Variants in PKHD1L1 observed in about 807,000 individuals in gnomAD.
PKHD1L1 encodes the protein fibrocystin-L.
In PKHD1L1, 434 loss-of-function variants were observed where a neutral mutation model predicts 462.9. That is an observed-to-expected ratio of 0.94 (90% CI 0.87 to 1.02). The LOEUF (loss-of-function observed/expected upper bound fraction) is 1.02, where lower values mean the gene tolerates loss of function less well. Among genes scored for constraint, PKHD1L1 ranks in the 50% least tolerant of loss-of-function variants. The pLI is 0.00. For synonymous variants in PKHD1L1, 1,781 were observed against 1,750.0 expected, an observed-to-expected ratio of 1.02 and a Z score of -0.44; for missense variants, 5,202 against 5,096.1, an observed-to-expected ratio of 1.02 and a Z score of -0.63.
chr8:109,446,806 C>A (rs974920023), intron 38 of PKHD1L1, among the ~76,000 whole-genome samples: 4 of 152,020 alleles, frequency 2.6e-5, no homozygotes, highest in Non-Finnish European at 5.9e-5. Flanking sequence ...GAGAACTGAG[C>A]TGTTTTATTT....
chr8:109,405,030 A>G lies in PKHD1L1; in HGVS notation c.1569A>G (p.Ala523=), dbSNP rs1015266050. ...TGGAAAACTGGGAAACAACTAATGC[A>G]ATTAATGAGGTTCAGAAGATCAAGG... ...ITLENWETTN[A]INEVQKIKVT... is the part of the protein sequence containing the mutation. The change falls in exon 16 of 78, where the codon GCA becomes GCG. Residue 523 remains alanine, a synonymous_variant. Transcript: ENST00000378402. 6.5e-7 allele frequency: 1 copy of G among 1,528,636 alleles called. No homozygotes were observed. Among genetic ancestry groups the G allele is most frequent in the Admixed American group, 2.0e-5 (1 of 49,452 alleles). The allele number at this position is 1,528,636 out of a possible 1,614,324, so 94.7% of individuals were successfully genotyped here.
In PKHD1L1 at chr8:109,362,606, T is replaced by G. The variant is rs1563702501; in HGVS notation, c.26T>G (p.Ile9Ser). 6.2e-7 allele frequency: 1 copy of G among 1,609,954 alleles called. No homozygotes were observed. Among genetic ancestry groups the G allele is most frequent in the East Asian group, 2.2e-5 (1 of 44,758 alleles). ...ATGGGACACCTGTGGCTCCTGGGTA[T>G]TTGGGGCCTCTGTGGGCTGCTCCTG... MGHLWLLGIWGLCGLLLCA... is the reference protein window; with the variant it reads MGHLWLLGSWGLCGLLLCA... The change falls in exon 1 of 78, where the codon ATT (isoleucine) becomes AGT (serine). Residue 9 changes from isoleucine to serine, a missense_variant. Physicochemically the swap from Ile to Ser is moderately radical, Grantham distance 142 (BLOSUM62 -2). Transcript: ENST00000378402.
chr8:109,443,777 T>C lies in PKHD1L1; in HGVS notation c.4666T>C (p.Leu1556=), dbSNP rs1248273141. The C allele has an allele frequency of 6.2e-7, 1 of 1,613,736 alleles. No individual in the cohort carries two copies. Among genetic ancestry groups the C allele is most frequent in the African/African-American group, 1.3e-5 (1 of 74,918 alleles). ...TACCAGGGTTAAAAATTCAAAAAGA[T>C]TGCTATTTGAGGTTTCAAGTTGTTT... ...NNTRVKNSKR[L]LFEVSSCFSP... Residue 1556 remains leucine, a synonymous_variant, in exon 37 of 78, where the codon TTG becomes CTG. Transcript: ENST00000378402.
chr8:109,483,135 GAA>G, intron 57 of PKHD1L1, 30 bp downstream of exon 57: 1 of 1,487,862 alleles, frequency 6.7e-7, no homozygotes. Flanking sequence ...AATGGAAAAT[GAA>G]TATACACAGT....
At chr8:109,380,607 G>A (rs1036053435) in intron 2 of PKHD1L1, among the ~76,000 whole-genome samples, 6 of 152,142 alleles carry the variant, frequency 3.9e-5, no homozygotes, top group African/African-American at 1.2e-4. Flanking sequence ...CTCAACCAAT[G>A]GGGACCAGAT....
At chr8:109,373,255 T>G (rs915766922) in intron 2 of PKHD1L1, among the ~76,000 whole-genome samples, 2 of 152,200 alleles carry the variant, frequency 1.3e-5, no homozygotes, top group Non-Finnish European at 2.9e-5. Flanking sequence ...GTCGAGGAAT[T>G]TATCCATTTC....
intron 45 of PKHD1L1, 63 bp from the exon 46 acceptor site, chr8:109,456,199 T>A (rs1254562838): frequency 6.6e-7 from 1 of 1,504,224 alleles, no homozygotes; most frequent in African/African-American, 1.4e-5. Context: ...TTAAAATGTA[T>A]AAAGTTCTCA....
At position 109,510,927 on chromosome 8, in the gene PKHD1L1, A is replaced by C; in HGVS notation, c.11546A>C (p.His3849Pro). ...CGACTGATGTTGCTTAATGTTGATC[A>C]TAACAAGGTAGGGCAAGATGTCTTA... ...NLRLMLLNVD[H>P]NKAVLVGIFF... Residue 3849 changes from histidine (H) to proline (P), a missense_variant, in exon 71 of 78, where the codon CAT (histidine) becomes CCT (proline). Coordinates refer to ENST00000378402, the MANE Select transcript of PKHD1L1 (RefSeq NM_177531.6). 17 of 1,612,528 alleles carry C rather than the reference A, an allele frequency of 1.1e-5. No individual in the cohort carries two copies. Among genetic ancestry groups the C allele is most frequent in the Non-Finnish European group, 1.4e-5 (17 of 1,179,116 alleles).
intron 5 of PKHD1L1, among the ~76,000 whole-genome samples, chr8:109,384,440 G>A (rs1184393872): frequency 6.6e-6 from 1 of 151,996 alleles, no homozygotes; most frequent in African/African-American, 2.4e-5. Flanking sequence ...CTACTCCGGA[G>A]GCTGAGGCGA....
At chr8:109,413,336 T>G (rs1813958400) in intron 20 of PKHD1L1, 85 bp from the exon 21 acceptor site, 1 of 959,182 alleles carries the variant, frequency 1.0e-6, no homozygotes, top group Admixed American at 3.8e-5. Context: ...CAATAAATAT[T>G]TATTGACTTT....
At chr8:109,512,675 G>A (rs1318171612) in intron 71 of PKHD1L1, among the ~76,000 whole-genome samples, 1 of 152,084 alleles carries the variant, frequency 6.6e-6, no homozygotes, top group Non-Finnish European at 1.5e-5. Context: ...ACTTGGCGTT[G>A]CGGGCTCTTT....
At chr8:109,429,841 A>G (rs1177030525) in intron 26 of PKHD1L1, 91 bp from the exon 27 acceptor site, 1 of 865,330 alleles carries the variant, frequency 1.2e-6, no homozygotes, top group Non-Finnish European at 1.9e-6. Flanking sequence ...TAGCAAACCA[A>G]CAAAATTCCA....
chr8:109,396,418 G>T (rs144920240), intron 11 of PKHD1L1, among the ~76,000 whole-genome samples: 1 of 152,118 alleles, frequency 6.6e-6, no homozygotes, highest in Admixed American at 6.5e-5. Flanking sequence ...TGAATTCCTC[G>T]CCACAGTTTA....
chr8:109,401,774 A>T lies in PKHD1L1; in HGVS notation c.1373+186A>T, dbSNP rs538244762. Among the ~76,000 whole-genome samples, 67 of 152,276 alleles carry T rather than the reference A, an allele frequency of 4.4e-4. No homozygotes were observed. In the South Asian group the frequency reaches 0.013, roughly 31 times the overall value. On this transcript the variant is annotated intron_variant, in intron 14 of 77. Coordinates refer to ENST00000378402, the MANE Select transcript of PKHD1L1 (RefSeq NM_177531.6). ...TTGATTTTCAAGAATACTGGCATTC[A>T]ACTAACCAGGGAAATTTGAAGTCTA...
intron 71 of PKHD1L1, 69 bp downstream of exon 71, chr8:109,511,003 G>T (rs1231245316): frequency 8.6e-6 from 13 of 1,509,170 alleles, no homozygotes; most frequent in Non-Finnish European, 1.1e-5. Flanking sequence ...GCTAAGGCTT[G>T]TACCTCCTCC....
At chr8:109,483,228 T>G in intron 57 of PKHD1L1, 123 bp downstream of exon 57, 2 of 691,476 alleles carry the variant, frequency 2.9e-6, no homozygotes, top group Non-Finnish European at 4.3e-6. Flanking sequence ...AAATGTGTAT[T>G]TTGCAATAAG....
At chr8:109,379,810 T>A (rs1812018939) in intron 2 of PKHD1L1, among the ~76,000 whole-genome samples, 1 of 152,214 alleles carries the variant, frequency 6.6e-6, no homozygotes. Flanking sequence ...TTTGAATTCA[T>A]CAAACATATT....
rs180769087 is a variant in PKHD1L1 at position 109,450,959 on chromosome 8, G to A, written c.6176-16G>A. The A allele has an allele frequency of 6.1e-5, 96 of 1,582,064 alleles. No homozygotes were observed. In the African/African-American group the frequency reaches 1.0e-3, roughly 17 times the overall value. On this transcript the variant is annotated splice_polypyrimidine_tract_variant and intron_variant, in intron 40 of 77. Coordinates refer to ENST00000378402, the MANE Select transcript of PKHD1L1 (RefSeq NM_177531.6). Reference sequence around the variant, plus strand: ...CCGATGGCAGAACTGCATTCAGTCTGATCTTCCTTTCATAGGCACGGGAGC... The same window carrying A: ...CCGATGGCAGAACTGCATTCAGTCTAATCTTCCTTTCATAGGCACGGGAGC...
At position 109,438,342 on chromosome 8, in the gene PKHD1L1, G is replaced by C. The variant is rs200694836; in HGVS notation, c.3646G>C (p.Asp1216His). Residue 1216 changes from aspartate (D) to histidine (H), a missense_variant, in exon 31 of 78, where the codon GAT (aspartate) becomes CAT (histidine). Around this residue, in one of 3 missense-constraint regions of PKHD1L1, gnomAD observed 4,497 missense variants for 4,336.8 expected, o/e 1.04. Transcript: ENST00000378402. Reference protein sequence around the residue: ...RTPKKTEGTVDISVTTNGFQA... With the variant: ...RTPKKTEGTVHISVTTNGFQA... The stretch of plus-strand genomic sequence containing the variant: ...ATTTTAGAAAACTGAGGGTACAGTT[G>C]ATATTTCAGTTACTACCAATGGATT... The C allele has an allele frequency of 3.3e-6, 5 of 1,521,968 alleles. No individual in the cohort carries two copies. The highest frequency in any genetic ancestry group is 1.7e-4 in the Middle Eastern group (1 of 5,832). 94.3% of individuals were successfully genotyped at this position (1,521,968 alleles called of 1,614,324 possible).
Sources: gnomAD v4.1 joint callset for allele counts (sites outside exome capture counted in the v4.1 genomes callset) on GRCh38, gnomAD v4.1.1 for gene constraint, gnomAD v4.1.1 regional missense constraint, MANE v1.5 for transcripts, NCBI Gene and HGNC (gene_info 2026-07-23, HGNC 2026-07-21) for gene names.